Variants in PRKCB observed in about 807,000 individuals in gnomAD.
PRKCB encodes the protein protein kinase C beta type.
Under a neutral mutation model 81.5 loss-of-function variants are expected in PRKCB, and 13 were observed. The ratio of observed to expected loss-of-function variants is 0.16; its 90% CI spans 0.10 to 0.25. PRKCB has a LOEUF of 0.25. Among genes scored for constraint, PRKCB ranks in the 10% least tolerant of loss-of-function variants. The pLI is 1.00. For missense variants in PRKCB, 509 were observed against 875.7 expected (o/e 0.58, Z 5.29); for synonymous variants, 335 against 321.4 (o/e 1.04, Z -0.45).
intron 2 of PRKCB, among the ~76,000 whole-genome samples, chr16:23,884,069 A>G (rs1195913977): frequency 6.6e-6 from 1 of 152,236 alleles, no homozygotes; most frequent in African/African-American, 2.4e-5. Context: ...TTTTACACGT[A>G]CAGCACATCT....
intron 3 of PRKCB, among the ~76,000 whole-genome samples, 158 bp downstream of exon 3, chr16:23,988,748 A>G (rs1964834418): frequency 6.6e-6 from 1 of 152,114 alleles, no homozygotes; most frequent in Non-Finnish European, 1.5e-5. Context: ...TTTTAGTGGA[A>G]AACAAAATTT....
At chr16:23,982,370 T>C (rs1234576849) in intron 2 of PRKCB, among the ~76,000 whole-genome samples, 1 of 131,130 alleles carries the variant, frequency 7.6e-6, no homozygotes, top group South Asian at 2.7e-4. Context: ...CCCTTCCCTT[T>C]CCCTTGCCTT....
chr16:23,938,491 G>A (rs1964092507), intron 2 of PRKCB, among the ~76,000 whole-genome samples: 1 of 152,174 alleles, frequency 6.6e-6, no homozygotes, highest in South Asian at 2.1e-4. Context: ...ATTGTTATAA[G>A]TCTCCAATTA....
chr16:23,967,645 T>TTTTTTG (rs1281670123), intron 2 of PRKCB, among the ~76,000 whole-genome samples: 5 of 152,072 alleles, frequency 3.3e-5, no homozygotes, highest in African/African-American at 1.2e-4. Flanking sequence ...TTCTTTCCTC[T>TTTTTTG]TTTTTGTTTT....
chr16:23,909,351 T>C (rs1963615780), intron 2 of PRKCB, among the ~76,000 whole-genome samples: 1 of 152,224 alleles, frequency 6.6e-6, no homozygotes, highest in South Asian at 2.1e-4. Context: ...CTCACAGTTC[T>C]GGAGCTGGAG....
In PRKCB at chr16:23,992,772, A is replaced by G. The variant is rs149827493; in HGVS notation, c.288+4182A>G. On this transcript the variant is annotated intron_variant, in intron 3 of 16. Coordinates refer to ENST00000643927, the MANE Select transcript of PRKCB (RefSeq NM_002738.7). ...ATGCAAATTGGACTCCCCACCACAC[A>G]GGGTGTCTGCTCTAAAAGCAAGGGC... Among the ~76,000 whole-genome samples, 609 of 152,318 alleles carry G rather than the reference A, an allele frequency of 4.0e-3. 6 individuals carry two copies. The highest frequency in any genetic ancestry group is 0.014 in the African/African-American group (565 of 41,564).
intron 2 of PRKCB, among the ~76,000 whole-genome samples, chr16:23,857,684 G>A (rs900677986): frequency 3.9e-5 from 6 of 151,984 alleles, no homozygotes; most frequent in African/African-American, 1.5e-4. Context: ...GGCTAGGCTT[G>A]TCCCTGCTTG....
intron 7 of PRKCB, among the ~76,000 whole-genome samples, chr16:24,103,331 A>G (rs2141909409): frequency 6.6e-6 from 1 of 152,198 alleles, no homozygotes; most frequent in South Asian, 2.1e-4. Context: ...CCCTAGAATT[A>G]GATTTTTGTT....
intron 9 of PRKCB, among the ~76,000 whole-genome samples, chr16:24,124,565 C>G (rs1212014359): frequency 1.3e-5 from 2 of 152,142 alleles, no homozygotes; most frequent in Non-Finnish European, 2.9e-5. Flanking sequence ...AACAGTTGCA[C>G]AGTGGAAGGA....
At chr16:24,107,822 G>A (rs1054456604) in intron 7 of PRKCB, among the ~76,000 whole-genome samples, 1 of 152,190 alleles carries the variant, frequency 6.6e-6, no homozygotes, top group Non-Finnish European at 1.5e-5. Flanking sequence ...GCTCTGTTGG[G>A]GCACCTTTTA....
chr16:23,884,818 G>A (rs1229831663), intron 2 of PRKCB, among the ~76,000 whole-genome samples: 1 of 152,174 alleles, frequency 6.6e-6, no homozygotes, highest in African/African-American at 2.4e-5. Context: ...TAGGATGACA[G>A]GTGTGAGCCA....
chr16:23,895,027 C>G (rs1963355215), intron 2 of PRKCB, among the ~76,000 whole-genome samples: 1 of 152,052 alleles, frequency 6.6e-6, no homozygotes, highest in African/African-American at 2.4e-5. Context: ...ATTTACCATA[C>G]CCCCAAAGCA....
intron 7 of PRKCB, among the ~76,000 whole-genome samples, chr16:24,106,088 G>A (rs191296154): frequency 7.5e-6 from 1 of 132,522 alleles, no homozygotes; most frequent in East Asian, 2.1e-4. Context: ...ATCACATTTT[G>A]GTCTTATTAC....
intron 2 of PRKCB, among the ~76,000 whole-genome samples, chr16:23,949,345 C>T (rs927838672): frequency 7.2e-5 from 11 of 152,174 alleles, no homozygotes; most frequent in African/African-American, 1.2e-4. Flanking sequence ...GGTTAAAACA[C>T]GAGCCCAGTC....
At chr16:23,976,270 C>T (rs1964623991) in intron 2 of PRKCB, among the ~76,000 whole-genome samples, 1 of 152,110 alleles carries the variant, frequency 6.6e-6, no homozygotes, top group Non-Finnish European at 1.5e-5. Context: ...TGCACTCCAC[C>T]TTGGGTGACA....
rs554445477 is a variant in PRKCB, at chr16:24,155,240, C to T, written c.1239+383C>T. Reference sequence around the variant, plus strand: ...TGCACAAGTACATCTCTGCAGGTTGCCTGAGGCCTTTGCATGGGCCTCATT... The same window carrying T: ...TGCACAAGTACATCTCTGCAGGTTGTCTGAGGCCTTTGCATGGGCCTCATT... On this transcript the variant is annotated intron_variant, in intron 10 of 16. Coordinates refer to ENST00000643927, the MANE Select transcript of PRKCB (RefSeq NM_002738.7). 7.2e-5 allele frequency among the ~76,000 whole-genome samples: 11 copies of T among 152,280 alleles called. No individual in the cohort carries two copies. The South Asian group carries it at 2.3e-3, about 32-fold the overall frequency.
chr16:23,876,436 T>A (rs1230156553), intron 2 of PRKCB, among the ~76,000 whole-genome samples: 1 of 152,190 alleles, frequency 6.6e-6, no homozygotes, highest in Non-Finnish European at 1.5e-5. Flanking sequence ...ATATTCCACA[T>A]CACACTTCCC....
intron 9 of PRKCB, among the ~76,000 whole-genome samples, chr16:24,147,609 A>G (rs1444747807): frequency 4.6e-5 from 7 of 152,234 alleles, no homozygotes; most frequent in Admixed American, 1.3e-4. Context: ...AAAGAGGAAT[A>G]GGACCAGGAT....
intron 7 of PRKCB, among the ~76,000 whole-genome samples, chr16:24,110,433 G>A (rs928484641): frequency 6.6e-6 from 1 of 150,644 alleles, no homozygotes; most frequent in African/African-American, 2.5e-5. Flanking sequence ...AGGTTGTCTC[G>A]ATCTCCTGAC....
Sources: gnomAD v4.1 joint callset for allele counts (sites outside exome capture counted in the v4.1 genomes callset) on GRCh38, gnomAD v4.1.1 for gene constraint, MANE v1.5 for transcripts, NCBI Gene and HGNC (gene_info 2026-07-23, HGNC 2026-07-21) for gene names.